UCHL3: variants seen among roughly 807,000 people sequenced by gnomAD.
UCHL3 encodes ubiquitin carboxyl-terminal hydrolase isozyme L3.
Under a neutral mutation model 35.8 loss-of-function variants are expected in UCHL3, and 22 were observed. That is an observed-to-expected ratio of 0.61 (90% CI 0.44 to 0.88). The LOEUF is 0.88. Ranked by LOEUF, UCHL3 falls within the 40% of genes least tolerant of loss-of-function variation. The pLI is 0.00. For synonymous variants in UCHL3, 90 were observed against 92.8 expected (o/e 0.97, Z 0.17); for missense variants, 229 against 276.9 (o/e 0.83, Z 1.23).
At chr13:75,574,213 A>G (rs1441864657) in intron 6 of UCHL3, among the ~76,000 whole-genome samples, 2 of 151,718 alleles carry the variant, frequency 1.3e-5, no homozygotes, top group African/African-American at 2.4e-5. Flanking sequence ...AGGAGACTCC[A>G]TCTCAAAAAA....
chr13:75,566,283 G>A (rs2031678213), intron 3 of UCHL3, among the ~76,000 whole-genome samples: 2 of 152,136 alleles, frequency 1.3e-5, no homozygotes, highest in Admixed American at 1.3e-4. Flanking sequence ...ATCAGAATAT[G>A]TAAATCTATT....
chr13:75,581,202 A>G (rs1484773763), intron 6 of UCHL3, among the ~76,000 whole-genome samples: 1 of 149,918 alleles, frequency 6.7e-6, no homozygotes, highest in Non-Finnish European at 1.5e-5. Flanking sequence ...ACATGGTTAT[A>G]AGGATATTTT....
At chr13:75,583,066 T>A (rs560672739) in intron 6 of UCHL3, among the ~76,000 whole-genome samples, 69 of 152,308 alleles carry the variant, frequency 4.5e-4, no homozygotes, top group African/African-American at 1.5e-3. Flanking sequence ...GAGGTAAAAA[T>A]AAGTCTGACT....
rs1443914097 is a variant in UCHL3 at position 75,549,860 on chromosome 13, G to C, written c.40G>C (p.Glu14Gln). The change falls in exon 1 of 9, where the codon GAG becomes CAG. Residue 14 changes from glutamate to glutamine, a missense_variant and splice_region_variant. Transcript: ENST00000377595. ...QRWLPLEANPEVTNQFLKQLG... is the reference protein window; with the variant it reads ...QRWLPLEANPQVTNQFLKQLG... ...CTGGCTGCCGCTGGAGGCCAATCCCGAGGTGGGCGCGCTTCGGGGCAGCCC... is the reference window on the plus strand; with the variant it reads ...CTGGCTGCCGCTGGAGGCCAATCCCCAGGTGGGCGCGCTTCGGGGCAGCCC... 6.2e-7 allele frequency: 1 copy of C among 1,608,760 alleles called. No homozygotes were observed. Among genetic ancestry groups the C allele is most frequent in the Non-Finnish European group, 8.5e-7 (1 of 1,177,328 alleles).
intron 6 of UCHL3, 78 bp downstream of exon 6, chr13:75,569,585 A>G: frequency 7.5e-7 from 1 of 1,334,002 alleles, no homozygotes; most frequent in South Asian, 1.3e-5. Context: ...TAACCATAGT[A>G]TTATTGTAGG....
intron 6 of UCHL3, among the ~76,000 whole-genome samples, chr13:75,592,334 A>T (rs1329060420): frequency 6.8e-6 from 1 of 148,010 alleles, no homozygotes; most frequent in Non-Finnish European, 1.5e-5. Flanking sequence ...GTCATACTAC[A>T]TCTATGAAGT....
rs61960592 is a variant in UCHL3, at chr13:75,592,301, G to A, written c.475-2614G>A. Among the ~76,000 whole-genome samples the A allele has an allele frequency of 7.1e-3, 1,067 of 149,724 alleles. 19 individuals carry two copies. Among genetic ancestry groups the A allele is most frequent in the Middle Eastern group, 0.011 (3 of 284 alleles). ...TACTAAAAGAGTAGGATCCTTATCA[G>A]TAGATAGAGACATACAAGAATAGTC... On this transcript the variant is annotated intron_variant, in intron 6 of 8. Coordinates refer to ENST00000377595, the MANE Select transcript of UCHL3 (RefSeq NM_006002.5).
At chr13:75,589,823 T>G in intron 6 of UCHL3, 1 of 824,258 alleles carries the variant, frequency 1.2e-6, no homozygotes, top group African/African-American at 1.8e-5. Flanking sequence ...TAGATTATGG[T>G]TATTAAAAAT....
chr13:75,587,548 C>T (rs1010084179), intron 6 of UCHL3, among the ~76,000 whole-genome samples: 1 of 152,004 alleles, frequency 6.6e-6, no homozygotes, highest in African/African-American at 2.4e-5. Flanking sequence ...ATATATGTAA[C>T]TTATCTTCAA....
intron 6 of UCHL3, among the ~76,000 whole-genome samples, chr13:75,583,810 T>C (rs973711392): frequency 6.6e-6 from 1 of 152,160 alleles, no homozygotes; most frequent in Non-Finnish European, 1.5e-5. Context: ...AATTTATGGG[T>C]AATGAAACAA....
At chr13:75,592,794 TTAAAGGTG>T (rs1025646176) in intron 6 of UCHL3, among the ~76,000 whole-genome samples, 1 of 152,026 alleles carries the variant, frequency 6.6e-6, no homozygotes, top group African/African-American at 2.4e-5. Context: ...CACTTTTAGA[TTAAAGGTG>T]CAACGATGCA....
At chr13:75,568,748 A>C (rs1593731890) in intron 5 of UCHL3, among the ~76,000 whole-genome samples, 2 of 152,164 alleles carry the variant, frequency 1.3e-5, no homozygotes, top group Non-Finnish European at 2.9e-5. Flanking sequence ...CCTTAATTAT[A>C]TATAATTATG....
chr13:75,595,787 CTTT>C (rs11364688), intron 7 of UCHL3, among the ~76,000 whole-genome samples: 1 of 144,922 alleles, frequency 6.9e-6, no homozygotes. Context: ...TATACCTGTA[CTTT>C]TTTTTTTTTT....
At chr13:75,577,044 G>C (rs991436918) in intron 6 of UCHL3, among the ~76,000 whole-genome samples, 11 of 152,226 alleles carry the variant, frequency 7.2e-5, no homozygotes, top group African/African-American at 2.4e-4. Flanking sequence ...GAGGCCAGGA[G>C]TTTGAGACCA....
intron 3 of UCHL3, among the ~76,000 whole-genome samples, chr13:75,563,940 G>C (rs907043674): frequency 6.6e-6 from 1 of 151,924 alleles, no homozygotes; most frequent in African/African-American, 2.4e-5. Flanking sequence ...GTGTGTGTGT[G>C]TGTCTATATC....
chr13:75,593,739 GAAT>G (rs1222519406), intron 6 of UCHL3, among the ~76,000 whole-genome samples: 7 of 152,152 alleles, frequency 4.6e-5, no homozygotes, highest in African/African-American at 1.7e-4. Context: ...AACCTCTGAA[GAAT>G]AATGTGAGAT....
chr13:75,584,288 T>A (rs1315350804), intron 6 of UCHL3, among the ~76,000 whole-genome samples: 1 of 152,072 alleles, frequency 6.6e-6, no homozygotes, highest in African/African-American at 2.4e-5. Context: ...TGTGTGGGGA[T>A]GGGTCAATAA....
chr13:75,595,980 AGAG>A lies in UCHL3; in HGVS notation c.550+991_550+993del, dbSNP rs536032372. Among the ~76,000 whole-genome samples, 839 of 152,298 alleles carry A rather than the reference AGAG, an allele frequency of 5.5e-3. 6 individuals are homozygous for A. The highest frequency in any genetic ancestry group is 0.018 in the African/African-American group (748 of 41,572). On this transcript the variant is annotated intron_variant, in intron 7 of 8. Coordinates refer to ENST00000377595, the MANE Select transcript of UCHL3 (RefSeq NM_006002.5). ...AAAAAAGCCAAATAAACAACAAAAA[AGAG>A]AAGTTCTTTTCAGTAATTCTAGATA...
intron 7 of UCHL3, among the ~76,000 whole-genome samples, chr13:75,600,754 C>G (rs1034454927): frequency 3.9e-5 from 6 of 152,160 alleles, no homozygotes; most frequent in African/African-American, 1.4e-4. Flanking sequence ...ATTCTGCAGC[C>G]CATGGATCAA....
Sources: gnomAD v4.1 joint callset for allele counts (sites outside exome capture counted in the v4.1 genomes callset) on GRCh38, gnomAD v4.1.1 for gene constraint, MANE v1.5 for transcripts, NCBI Gene and HGNC (gene_info 2026-07-23, HGNC 2026-07-21) for gene names.